Variants in XPNPEP2 observed in about 807,000 individuals in gnomAD.
XPNPEP2 encodes xaa-Pro aminopeptidase 2.
A neutral mutation model predicts 59.8 loss-of-function variants in XPNPEP2; 64 were observed. The observed-to-expected ratio is 1.07, with a 90% CI of 0.87 to 1.32. XPNPEP2 has a LOEUF of 1.32. XPNPEP2 is among the 40% of genes most tolerant of loss of function. The pLI, the probability that XPNPEP2 is intolerant of heterozygous loss-of-function variation, is 0.00. For synonymous variants in XPNPEP2, 235 were observed against 210.0 expected, an observed-to-expected ratio of 1.12 and a Z score of -1.03; for missense variants, 575 against 546.8, an observed-to-expected ratio of 1.05 and a Z score of -0.51.
At position 129,759,215 on chromosome X, in the gene XPNPEP2, G is replaced by T. The variant is rs758808700; in HGVS notation, c.1403G>T (p.Trp468Leu). Residue 468 changes from tryptophan (W) to leucine (L), a missense_variant, in exon 15 of 21, where the codon TGG becomes TTG. By Grantham distance (61) the Trp-to-Leu change is moderately conservative. Coordinates refer to ENST00000371106, the MANE Select transcript of XPNPEP2 (RefSeq NM_003399.6). Reference protein sequence around the residue: ...GTTDITRTVHWGTPSAFQKEA... With the variant: ...GTTDITRTVHLGTPSAFQKEA... Reference sequence around the variant, plus strand: ...ACAGACATCACCAGAACAGTCCACTGGGGCACCCCCTCTGCCTTCCAGAAG... The same window carrying T: ...ACAGACATCACCAGAACAGTCCACTTGGGCACCCCCTCTGCCTTCCAGAAG... 8.3e-7 allele frequency: 1 copy of T among 1,211,783 alleles called. No individual in the cohort carries two copies. Among genetic ancestry groups the T allele is most frequent in the South Asian group, 1.8e-5 (1 of 57,011 alleles).
chrX:129,751,687 A>G (rs1926421544), intron 8 of XPNPEP2, 58 bp from the exon 9 acceptor site: 5 of 1,034,304 alleles, frequency 4.8e-6, no homozygotes, highest in Middle Eastern at 2.6e-4. Flanking sequence ...AAAGAGGAAA[A>G]GAAAAGCTTG....
At chrX:129,759,800 C>A (rs1270447887) in intron 15 of XPNPEP2, among the ~76,000 whole-genome samples, 1 of 112,573 alleles carries the variant, frequency 8.9e-6, no homozygotes, top group African/African-American at 3.2e-5. Context: ...CACAGTTTAG[C>A]GGCGGAGTCT....
At chrX:129,746,990 A>C in intron 6 of XPNPEP2, 1 of 300,467 alleles carries the variant, frequency 3.3e-6, no homozygotes, top group Non-Finnish European at 5.8e-6. Context: ...ACCCAGAACC[A>C]TCCTCTGTGC....
chrX:129,766,158 GCATTGTTTCCATAAA>G (rs1301722079), intron 19 of XPNPEP2, among the ~76,000 whole-genome samples: 1 of 111,889 alleles, frequency 8.9e-6, no homozygotes. Flanking sequence ...TTTGTTTATG[GCATTGTTTCCATAAA>G]CATTGTTTCC....
intron 3 of XPNPEP2, among the ~76,000 whole-genome samples, 164 bp downstream of exon 3, chrX:129,744,235 A>G (rs1462025227): frequency 2.7e-5 from 3 of 112,434 alleles, no homozygotes; most frequent in Non-Finnish European, 3.8e-5. Context: ...AAGTGAAAGA[A>G]TGTATCCCTC....
chrX:129,742,302 T>C (rs774009990), intron 2 of XPNPEP2, 121 bp downstream of exon 2: 14 of 349,734 alleles, frequency 4.0e-5, no homozygotes, highest in Admixed American at 2.8e-4. Context: ...CTATCCCTCA[T>C]TGGGTCAGTT....
chrX:129,741,850 T>C (rs1926188093), intron 1 of XPNPEP2, among the ~76,000 whole-genome samples: 2 of 112,790 alleles, frequency 1.8e-5, no homozygotes, highest in South Asian at 7.3e-4. Context: ...GAAAAATTGA[T>C]TTAATGAGCA....
chrX:129,768,152 C>T (rs1245491532), intron 20 of XPNPEP2, 139 bp from the exon 21 acceptor site: 1 of 544,339 alleles, frequency 1.8e-6, no homozygotes, highest in Admixed American at 4.2e-5. Flanking sequence ...ATTCCTGAAG[C>T]CTGATGATGG....
In XPNPEP2 at chrX:129,747,659, G is replaced by T. The variant is rs144619324; in HGVS notation, c.543G>T (p.Val181=). ...TCCAAGGCTCTAACAGACAGCTGGT[G>T]TCCATCACAACCAATCTTGTGGACC... ...LALQGSNRQL[V]SITTNLVDLV... Residue 181 remains valine, a synonymous_variant, in exon 7 of 21, where the codon GTG becomes GTT. Coordinates refer to ENST00000371106, the MANE Select transcript of XPNPEP2 (RefSeq NM_003399.6). The T allele has an allele frequency of 8.8e-5, 107 of 1,210,635 alleles. 1 individual carries two copies. Among genetic ancestry groups the T allele is most frequent in the Non-Finnish European group, 1.2e-4 (103 of 895,364 alleles).
In XPNPEP2 at chrX:129,751,791, C is replaced by T; in HGVS notation, c.786C>T (p.Phe262=). The T allele has an allele frequency of 1.1e-5, 13 of 1,211,409 alleles. No homozygotes were observed. Among genetic ancestry groups the T allele is most frequent in the Non-Finnish European group, 1.5e-5 (13 of 895,139 alleles). Reference sequence around the variant, plus strand: ...GTGACATCCCCTATAACCCCTTCTTCTATTCCTACACGCTGCTCACAGACT... The same window carrying T: ...GTGACATCCCCTATAACCCCTTCTTTTATTCCTACACGCTGCTCACAGACT... ...RASDIPYNPF[F]YSYTLLTDSS... Residue 262 remains phenylalanine (F), a synonymous_variant, in exon 9 of 21, where the codon TTC becomes TTT. Coordinates refer to ENST00000371106, the MANE Select transcript of XPNPEP2 (RefSeq NM_003399.6).
chrX:129,756,242 T>G (rs1188224987), intron 13 of XPNPEP2, among the ~76,000 whole-genome samples: 2 of 111,771 alleles, frequency 1.8e-5, no homozygotes, highest in Non-Finnish European at 3.8e-5. Context: ...ATTCTGGGCT[T>G]TACCCTCTCT....
In XPNPEP2 at chrX:129,752,170, G is replaced by A. The variant is rs377568487; in HGVS notation, c.842G>A (p.Arg281His). Residue 281 changes from arginine (R) to histidine (H), a missense_variant, in exon 10 of 21, where the codon CGC becomes CAC. Coordinates refer to ENST00000371106, the MANE Select transcript of XPNPEP2 (RefSeq NM_003399.6). The stretch of plus-strand genomic sequence containing the variant: ...CCCAGGTTGTTTGCAAACAAGAGTC[G>A]CTTTAGCTCCGAAACCTTGAGCTAT... Reference protein sequence around the residue: ...SSIRLFANKSRFSSETLSYLN... With the variant: ...SSIRLFANKSHFSSETLSYLN... The A allele has an allele frequency of 5.8e-6, 7 of 1,209,488 alleles. No individual in the cohort carries two copies. In the Admixed American group the frequency reaches 6.6e-5, roughly 11 times the overall value.
intron 15 of XPNPEP2, among the ~76,000 whole-genome samples, 171 bp from the exon 16 acceptor site, chrX:129,760,341 G>A (rs1160304898): frequency 8.9e-6 from 1 of 112,635 alleles, no homozygotes; most frequent in Non-Finnish European, 1.9e-5. Context: ...CTCAGCCTCT[G>A]CTGGCCATCT....
intron 18 of XPNPEP2, 25 bp from the exon 19 acceptor site, chrX:129,762,669 C>T: frequency 8.3e-7 from 1 of 1,199,791 alleles, no homozygotes; most frequent in Non-Finnish European, 1.1e-6. Context: ...CAGCTTAATG[C>T]CACCAGCATC....
At chrX:129,758,394 C>T (rs912578317) in intron 14 of XPNPEP2, among the ~76,000 whole-genome samples, 2 of 111,015 alleles carry the variant, frequency 1.8e-5, no homozygotes, top group African/African-American at 6.6e-5. Flanking sequence ...AGAAGAAGGT[C>T]ACCACACCCC....
At chrX:129,761,144 A>G in intron 16 of XPNPEP2, 28 bp from the exon 17 acceptor site, 1 of 1,192,263 alleles carries the variant, frequency 8.4e-7, no homozygotes, top group Non-Finnish European at 1.1e-6. Flanking sequence ...AAGCCATCTG[A>G]CTGGGGTCAA....
chrX:129,746,374 T>C (rs768627577), intron 5 of XPNPEP2, 34 bp downstream of exon 5: 41 of 1,163,778 alleles, frequency 3.5e-5, no homozygotes, highest in Middle Eastern at 4.7e-4. Flanking sequence ...TCCCCAAGTC[T>C]TGGGACCTGG....
intron 20 of XPNPEP2, 93 bp downstream of exon 20, chrX:129,767,785 A>G: frequency 1.0e-6 from 1 of 954,546 alleles, no homozygotes; most frequent in Non-Finnish European, 1.5e-6. Flanking sequence ...CCCCTCCTCC[A>G]GGAGGGTCCA....
At chrX:129,765,004 A>T (rs1187311791) in intron 19 of XPNPEP2, among the ~76,000 whole-genome samples, 1 of 111,977 alleles carries the variant, frequency 8.9e-6, no homozygotes, top group Non-Finnish European at 1.9e-5. Flanking sequence ...AGAAGGGAAA[A>T]AAAAGTCTCT....
Sources: gnomAD v4.1 joint callset for allele counts (sites outside exome capture counted in the v4.1 genomes callset) on GRCh38, gnomAD v4.1.1 for gene constraint, MANE v1.5 for transcripts, NCBI Gene and HGNC (gene_info 2026-07-23, HGNC 2026-07-21) for gene names.